The following DLGAP4 variants were observed in gnomAD, a reference collection of about 807,000 sequenced individuals.
DLGAP4 encodes the protein disks large-associated protein 4.
Under a neutral mutation model 86.9 loss-of-function variants are expected in DLGAP4, and 18 were observed. That is an observed-to-expected ratio of 0.21 (90% confidence interval 0.14 to 0.31). The LOEUF (loss-of-function observed/expected upper bound fraction) is 0.31, where lower values mean the gene tolerates loss of function less well. Ranked by LOEUF, DLGAP4 falls within the 10% of genes least tolerant of loss-of-function variation. DLGAP4 has a pLI of 1.00. For synonymous variants in DLGAP4, 548 were observed against 574.3 expected, an observed-to-expected ratio of 0.95 and a Z score of 0.65; for missense variants, 1,085 against 1,362.6, an observed-to-expected ratio of 0.80 and a Z score of 3.21.
At chr20:36,524,412 C>A in intron 11 of DLGAP4, 71 bp downstream of exon 11, 1 of 1,339,240 alleles carries the variant, frequency 7.5e-7, no homozygotes, top group Non-Finnish European at 1.0e-6. Context: ...CTGCCAGCCC[C>A]TCGAAGCCTC....
At chr20:36,459,504 G>A (rs1453698832) in intron 7 of DLGAP4, among the ~76,000 whole-genome samples, 2 of 152,194 alleles carry the variant, frequency 1.3e-5, no homozygotes, top group African/African-American at 4.8e-5. Flanking sequence ...AGCTTCCTGA[G>A]TAGCTGAGGA....
chr20:36,410,033 C>CAAAA (rs11475768), intron 2 of DLGAP4, among the ~76,000 whole-genome samples: 1 of 94,770 alleles, frequency 1.1e-5, no homozygotes, highest in Non-Finnish European at 2.2e-5. Context: ...GACTCCGTCT[C>CAAAA]AAAAAAAAAA....
intron 1 of DLGAP4, among the ~76,000 whole-genome samples, chr20:36,307,097 A>AGGGGGC (rs1844025330): frequency 6.6e-6 from 1 of 151,500 alleles, no homozygotes; most frequent in African/African-American, 2.4e-5. Context: ...GCATCTGGGG[A>AGGGGGC]GGGGGCGGGG....
At chr20:36,353,894 G>A (rs1361864723) in intron 1 of DLGAP4, among the ~76,000 whole-genome samples, 2 of 152,230 alleles carry the variant, frequency 1.3e-5, no homozygotes, top group Non-Finnish European at 2.9e-5. Context: ...CCATCATCAT[G>A]TCCATCTGAG....
chr20:36,499,070 C>T (rs551018263), intron 8 of DLGAP4: 557 of 638,334 alleles, frequency 8.7e-4, no homozygotes, highest in Non-Finnish European at 1.1e-3. Context: ...TTAGTGCAGG[C>T]GCCTCTGGCC....
chr20:36,424,294 A>C (rs1053593383), intron 2 of DLGAP4, among the ~76,000 whole-genome samples: 2 of 152,174 alleles, frequency 1.3e-5, no homozygotes, highest in Non-Finnish European at 2.9e-5. Flanking sequence ...GAATTGGGGC[A>C]AGGGAGCCAC....
chr20:36,467,700 C>T (rs1179175669), intron 7 of DLGAP4, among the ~76,000 whole-genome samples: 1 of 152,144 alleles, frequency 6.6e-6, no homozygotes, highest in Non-Finnish European at 1.5e-5. Context: ...TGCTGTGCTC[C>T]CTTAGGAAAG....
At chr20:36,463,690 T>C (rs1054543517) in intron 7 of DLGAP4, among the ~76,000 whole-genome samples, 1 of 152,244 alleles carries the variant, frequency 6.6e-6, no homozygotes, top group African/African-American at 2.4e-5. Flanking sequence ...GGGTGGGCCC[T>C]GCTTGGACAG....
At chr20:36,376,498 A>G (rs1000792946) in intron 2 of DLGAP4, among the ~76,000 whole-genome samples, 1 of 152,162 alleles carries the variant, frequency 6.6e-6, no homozygotes, top group Non-Finnish European at 1.5e-5. Context: ...TTTTAAAAAA[A>G]TAAATCAAGA....
In DLGAP4 at chr20:36,493,939, G is replaced by T. The variant is rs560892308; in HGVS notation, c.1649-2766G>T. 2.6e-5 allele frequency among the ~76,000 whole-genome samples: 4 copies of T among 152,338 alleles called. No homozygotes were observed. In the East Asian group the frequency reaches 7.7e-4, roughly 29 times the overall value. The stretch of plus-strand genomic sequence containing the variant: ...GCCTGTGCCTTGTGGCCAGCTGAAC[G>T]CAGTTGCTCCTCTTCGCTGAGCAGG... On this transcript the variant is annotated intron_variant, in intron 7 of 12. Coordinates refer to ENST00000339266, the MANE Select transcript of DLGAP4 (RefSeq NM_001365621.2).
intron 2 of DLGAP4, among the ~76,000 whole-genome samples, chr20:36,367,858 T>A (rs2030750867): frequency 6.6e-6 from 1 of 152,218 alleles, no homozygotes; most frequent in African/African-American, 2.4e-5. Context: ...CACTTCACCA[T>A]GCTGCTTGCA....
intron 2 of DLGAP4, among the ~76,000 whole-genome samples, chr20:36,379,562 A>C (rs1208347597): frequency 6.6e-6 from 1 of 152,198 alleles, no homozygotes; most frequent in Non-Finnish European, 1.5e-5. Context: ...GAGAGAAGAC[A>C]TCAGGGAAAC....
intron 2 of DLGAP4, among the ~76,000 whole-genome samples, chr20:36,387,091 A>G (rs1363392319): frequency 6.6e-6 from 1 of 152,208 alleles, no homozygotes; most frequent in Admixed American, 6.5e-5. Flanking sequence ...CTGTGTTAAT[A>G]AACACTGCTA....
chr20:36,410,808 T>C (rs2032477588), intron 2 of DLGAP4, among the ~76,000 whole-genome samples: 1 of 151,996 alleles, frequency 6.6e-6, no homozygotes, highest in Non-Finnish European at 1.5e-5. Flanking sequence ...GGGATCCCAT[T>C]CCAACATGAG....
chr20:36,354,088 T>C (rs1249933295), intron 1 of DLGAP4, among the ~76,000 whole-genome samples: 1 of 152,200 alleles, frequency 6.6e-6, no homozygotes, highest in Non-Finnish European at 1.5e-5. Flanking sequence ...CAGAGTTCTG[T>C]GCCGGCCGGC....
intron 7 of DLGAP4, among the ~76,000 whole-genome samples, chr20:36,483,461 G>A (rs2035277082): frequency 6.6e-6 from 1 of 152,194 alleles, no homozygotes; most frequent in Non-Finnish European, 1.5e-5. Flanking sequence ...CTCAGCTCAT[G>A]CATTTGCCTT....
intron 5 of DLGAP4, among the ~76,000 whole-genome samples, chr20:36,440,752 C>T (rs1394488980): frequency 6.6e-6 from 1 of 152,002 alleles, no homozygotes; most frequent in Non-Finnish European, 1.5e-5. Flanking sequence ...AAGGCACCCC[C>T]CATCGTGTGG....
chr20:36,358,382 C>T (rs996729389), intron 1 of DLGAP4, among the ~76,000 whole-genome samples: 1 of 152,246 alleles, frequency 6.6e-6, no homozygotes, highest in East Asian at 1.9e-4. Context: ...CACATCTCTT[C>T]TCCTGTCAGA....
chr20:36,321,618 G>T (rs1441930044), intron 1 of DLGAP4, among the ~76,000 whole-genome samples: 1 of 152,250 alleles, frequency 6.6e-6, no homozygotes, highest in East Asian at 1.9e-4. Flanking sequence ...GTCTAGGAGG[G>T]CTCAGTGCTT....
Sources: gnomAD v4.1 joint callset for allele counts (sites outside exome capture counted in the v4.1 genomes callset) on GRCh38, gnomAD v4.1.1 for gene constraint, MANE v1.5 for transcripts, NCBI Gene and HGNC (gene_info 2026-07-23, HGNC 2026-07-21) for gene names.